DOCK3: variants seen among roughly 807,000 people sequenced by gnomAD.
The protein encoded by DOCK3 is dedicator of cytokinesis protein 3.
DOCK3 carries 60 observed loss-of-function variants against 265.6 expected under a neutral mutation model. That is an observed-to-expected ratio of 0.23 (90% CI 0.18 to 0.28). The LOEUF is 0.28. DOCK3 is among the 10% of genes least tolerant of loss of function. The probability of loss-of-function intolerance (pLI) is 1.00; values close to 1 mark genes in which losing one functional copy is unlikely to be tolerated. For missense variants in DOCK3, 1,981 were observed against 2,594.3 expected, an observed-to-expected ratio of 0.76 and a Z score of 5.14; for synonymous variants, 881 against 938.0, an observed-to-expected ratio of 0.94 and a Z score of 1.11.
At chr3:50,956,661 G>A (rs1008364937) in intron 5 of DOCK3, among the ~76,000 whole-genome samples, 1 of 152,112 alleles carries the variant, frequency 6.6e-6, no homozygotes, top group Non-Finnish European at 1.5e-5. Context: ...GAGAAGAGGA[G>A]TGTCATGGCC....
chr3:51,207,806 A>G (rs538954382), intron 12 of DOCK3, among the ~76,000 whole-genome samples: 4 of 152,174 alleles, frequency 2.6e-5, no homozygotes, highest in South Asian at 4.1e-4. Flanking sequence ...TCCTTTTTGC[A>G]TGGGTCCTAT....
rs189590207 is a variant in DOCK3 at position 50,819,098 on chromosome 3, G to A, written c.122-22577G>A. Among the ~76,000 whole-genome samples, 1,149 of 152,216 alleles carry A rather than the reference G, an allele frequency of 7.5e-3. 37 individuals carry two copies. The highest frequency in any genetic ancestry group is 0.065 in the Admixed American group (994 of 15,284). On this transcript the variant is annotated intron_variant, in intron 2 of 52. Coordinates refer to ENST00000266037, the MANE Select transcript of DOCK3 (RefSeq NM_004947.5). ...GCATGAGTTTGTTGGTTTTTTCTCC[G>A]TATAGCTCCCTGAAGCCATCTTTTT...
At chr3:50,920,497 A>G (rs2050387321) in intron 4 of DOCK3, among the ~76,000 whole-genome samples, 1 of 152,096 alleles carries the variant, frequency 6.6e-6, no homozygotes. Context: ...GTGTCTAGGA[A>G]TTTATCCATT....
chr3:50,792,318 CTT>C (rs1451982230), intron 2 of DOCK3, among the ~76,000 whole-genome samples: 9 of 152,080 alleles, frequency 5.9e-5, no homozygotes, highest in Admixed American at 5.2e-4. Flanking sequence ...TATTCTGAGA[CTT>C]TGCTGAAGTT....
chr3:50,987,859 C>T (rs575967370), intron 5 of DOCK3, among the ~76,000 whole-genome samples: 3 of 152,302 alleles, frequency 2.0e-5, no homozygotes, highest in East Asian at 1.9e-4. Flanking sequence ...GAACCCACTC[C>T]GCTAGGGCCT....
chr3:51,040,169 G>A (rs1307351985), intron 5 of DOCK3, among the ~76,000 whole-genome samples: 1 of 149,626 alleles, frequency 6.7e-6, no homozygotes, highest in African/African-American at 2.5e-5. Context: ...TTCCATGTGT[G>A]GTTTATTTCT....
chr3:50,979,805 C>T (rs9818443), intron 5 of DOCK3, among the ~76,000 whole-genome samples: 143,598 of 152,304 alleles, frequency 0.94, 68,327 homozygotes, highest in East Asian at 1. Context: ...ATTGATTTTG[C>T]ATCCTACAAC....
In DOCK3 at chr3:51,310,293, G is replaced by A. The variant is rs768284967; in HGVS notation, c.2984G>A (p.Arg995Gln). 8.1e-6 allele frequency: 13 copies of A among 1,603,706 alleles called. No homozygotes were observed. The highest frequency in any genetic ancestry group is 2.2e-5 in the East Asian group (1 of 44,668). The stretch of plus-strand genomic sequence containing the variant: ...CTGATGAAGATGAGTGTCTTCCCTC[G>A]GGACTGGATGGTAATGAGACTGCTC... ...RNLMKMSVFP[R>Q]DWMVMRLLTS... The change falls in exon 28 of 53, where the codon CGG (arginine) becomes CAG (glutamine). Residue 995 changes from arginine to glutamine, a missense_variant. By Grantham distance (43) the Arg-to-Gln change is conservative. Transcript: ENST00000266037.
chr3:51,258,796 A>G (rs1353171215), intron 22 of DOCK3, among the ~76,000 whole-genome samples: 4 of 152,134 alleles, frequency 2.6e-5, no homozygotes, highest in Admixed American at 6.5e-5. Context: ...ACAAAACCAA[A>G]ATACCTAAAG....
intron 3 of DOCK3, chr3:50,876,759 C>A: frequency 6.5e-6 from 1 of 153,252 alleles, no homozygotes; most frequent in South Asian, 1.8e-4. Flanking sequence ...TTTGGTTACT[C>A]TGGTGTTTTG....
chr3:50,980,201 T>G (rs2077639419), intron 5 of DOCK3, among the ~76,000 whole-genome samples: 1 of 152,238 alleles, frequency 6.6e-6, no homozygotes, highest in Non-Finnish European at 1.5e-5. Flanking sequence ...TTTTTCTGCG[T>G]CTATTGAGAT....
chr3:50,901,079 G>A (rs571983138), intron 4 of DOCK3: 3 of 280,828 alleles, frequency 1.1e-5, no homozygotes, highest in African/African-American at 4.6e-5. Context: ...GCCTGCTGCC[G>A]CCCCTTCCCC....
At chr3:50,994,722 T>G (rs1244769467) in intron 5 of DOCK3, among the ~76,000 whole-genome samples, 2 of 152,186 alleles carry the variant, frequency 1.3e-5, no homozygotes. Context: ...GTTATGCAAT[T>G]GTTTGTCAGC....
At chr3:51,356,620 T>A in intron 43 of DOCK3, 127 bp downstream of exon 43, 3 of 893,448 alleles carry the variant, frequency 3.4e-6, no homozygotes, top group Non-Finnish European at 5.3e-6. Context: ...CTCCCACAGG[T>A]CAACCCTGTG....
At chr3:50,717,573 A>C (rs1204918944) in intron 1 of DOCK3, among the ~76,000 whole-genome samples, 1 of 151,718 alleles carries the variant, frequency 6.6e-6, no homozygotes, top group Non-Finnish European at 1.5e-5. Context: ...AATAGTGTTT[A>C]TTTTTTCCCT....
At chr3:51,154,213 G>T (rs542746414) in intron 10 of DOCK3, among the ~76,000 whole-genome samples, 1 of 152,184 alleles carries the variant, frequency 6.6e-6, no homozygotes, top group Non-Finnish European at 1.5e-5. Context: ...CTTTCACAGG[G>T]ATAGCTTTTA....
chr3:51,113,306 C>T (rs2083598651), intron 9 of DOCK3, among the ~76,000 whole-genome samples: 2 of 152,152 alleles, frequency 1.3e-5, no homozygotes, highest in Admixed American at 1.3e-4. Flanking sequence ...AAAGAGGTGA[C>T]ACTGACTCTG....
At chr3:51,338,327 T>C in intron 35 of DOCK3, 32 bp from the exon 36 acceptor site, 1 of 1,551,276 alleles carries the variant, frequency 6.4e-7, no homozygotes, top group South Asian at 1.2e-5. Flanking sequence ...CCCCACTTCA[T>C]ATCTGGTGCT....
At chr3:51,149,858 A>G (rs1333642453) in intron 10 of DOCK3, among the ~76,000 whole-genome samples, 1 of 152,224 alleles carries the variant, frequency 6.6e-6, no homozygotes, top group Non-Finnish European at 1.5e-5. Flanking sequence ...GCCTCATAAA[A>G]TGAGTTAGGG....
Sources: gnomAD v4.1 joint callset for allele counts (sites outside exome capture counted in the v4.1 genomes callset) on GRCh38, gnomAD v4.1.1 for gene constraint, MANE v1.5 for transcripts, NCBI Gene and HGNC (gene_info 2026-07-23, HGNC 2026-07-21) for gene names.